RB1CC1: variants seen among roughly 807,000 people sequenced by gnomAD.
The protein encoded by RB1CC1 is RB1 inducible coiled-coil 1.
RB1CC1 carries 46 observed loss-of-function variants against 177.5 expected under a neutral mutation model. That is an observed-to-expected ratio of 0.26 (90% CI 0.20 to 0.33). The LOEUF is 0.33. Among genes scored for constraint, RB1CC1 ranks in the 10% least tolerant of loss-of-function variants. The pLI, the probability that RB1CC1 is intolerant of heterozygous loss-of-function variation, is 1.00. For missense variants in RB1CC1, 1,703 were observed against 1,816.3 expected (o/e 0.94, Z 1.13); for synonymous variants, 666 against 613.6 (o/e 1.09, Z -1.26).
In RB1CC1 at chr8:52,661,272, G is replaced by A. The variant is rs1407217116; in HGVS notation, c.1368C>T (p.Cys456=). The change falls in exon 10 of 24, where the codon TGC becomes TGT. Residue 456 remains cysteine, a synonymous_variant. Coordinates refer to ENST00000025008, the MANE Select transcript of RB1CC1 (RefSeq NM_014781.5). ...NNLHVRLKWC[C]FVMLHADQDG... Reference sequence around the variant, plus strand: ...CTTGATCAGCATGAAGCATTACAAAGCAACACCACCTAGAGAATAAAATCC... The same window carrying A: ...CTTGATCAGCATGAAGCATTACAAAACAACACCACCTAGAGAATAAAATCC... The A allele has an allele frequency of 1.9e-6, 3 of 1,611,922 alleles. No homozygotes were observed. Among genetic ancestry groups the A allele is most frequent in the African/African-American group, 2.7e-5 (2 of 74,732 alleles).
At chr8:52,713,230 A>C (rs1439520219) in intron 1 of RB1CC1, among the ~76,000 whole-genome samples, 1 of 151,998 alleles carries the variant, frequency 6.6e-6, no homozygotes, top group Non-Finnish European at 1.5e-5. Flanking sequence ...AACAGTGAGC[A>C]CATGAGTCTT....
chr8:52,673,902 T>C lies in RB1CC1; in HGVS notation c.945A>G (p.Gln315=). Residue 315 remains glutamine, a synonymous_variant, in exon 7 of 24, where the codon CAA becomes CAG. Transcript: ENST00000025008. ...AAGATTCCACATCATTAGGTCTATC[T>C]TGAACATTTATCCAGTCTAACAAAG... ...NVSLLDWINV[Q]DRPNDVESLV... 8 of 1,614,150 alleles carry C rather than the reference T, an allele frequency of 5.0e-6. No homozygotes were observed. Among genetic ancestry groups the C allele is most frequent in the Non-Finnish European group, 5.1e-6 (6 of 1,180,016 alleles).
Position 52,654,784 on chromosome 8 carries a change from T to C in RB1CC1, c.3821+1224A>G, listed in dbSNP as rs142805012. ...CAAATTATCGTCCCCACCCTTGGTA[T>C]TTTATTGCCCTGGCCTGCCTTCAGT... On this transcript the variant is annotated intron_variant, in intron 15 of 23. Transcript: ENST00000025008. 5.6e-3 allele frequency among the ~76,000 whole-genome samples: 856 copies of C among 152,284 alleles called. 11 individuals are homozygous for C. Among genetic ancestry groups the C allele is most frequent in the Non-Finnish European group, 7.9e-3 (540 of 68,032 alleles).
chr8:52,684,752 G>A (rs973139123), intron 3 of RB1CC1, among the ~76,000 whole-genome samples: 3 of 152,078 alleles, frequency 2.0e-5, no homozygotes, highest in Non-Finnish European at 2.9e-5. Flanking sequence ...TGAAGCTTCC[G>A]ATAATTCCCT....
At chr8:52,625,162 AGC>A (rs1848293685) in intron 22 of RB1CC1, among the ~76,000 whole-genome samples, 1 of 152,162 alleles carries the variant, frequency 6.6e-6, no homozygotes, top group African/African-American at 2.4e-5. Flanking sequence ...CATTTCTTTA[AGC>A]AAACAAAATG....
At chr8:52,676,839 C>T (rs1853175837) in intron 5 of RB1CC1, among the ~76,000 whole-genome samples, 1 of 152,144 alleles carries the variant, frequency 6.6e-6, no homozygotes, top group Non-Finnish European at 1.5e-5. Context: ...GTAGGGCTTT[C>T]AATTATTTGA....
Position 52,677,452 on chromosome 8 carries a change from C to A in RB1CC1, c.370-881G>T, listed in dbSNP as rs536258649. Among the ~76,000 whole-genome samples the A allele has an allele frequency of 3.3e-5, 5 of 151,984 alleles. No homozygotes were observed. The South Asian group carries it at 1.0e-3, about 32-fold the overall frequency. ...AGAAAGAGGGCCAGATGATCAAAGA[C>A]CCAGAAGATACTAAGGTAAGGAAGG... On this transcript the variant is annotated intron_variant, in intron 5 of 23. Transcript: ENST00000025008.
chr8:52,663,692 T>C (rs1185618839), intron 8 of RB1CC1, among the ~76,000 whole-genome samples: 1 of 152,104 alleles, frequency 6.6e-6, no homozygotes, highest in African/African-American at 2.4e-5. Flanking sequence ...AACAGGGAAA[T>C]ACCATTAGCA....
At chr8:52,688,272 C>T (rs1364665130) in intron 1 of RB1CC1, among the ~76,000 whole-genome samples, 1 of 152,206 alleles carries the variant, frequency 6.6e-6, no homozygotes, top group African/African-American at 2.4e-5. Context: ...CCATATTTTT[C>T]TTCTTGTAGA....
chr8:52,632,604 GA>G (rs1229312547), intron 20 of RB1CC1, among the ~76,000 whole-genome samples: 2 of 152,180 alleles, frequency 1.3e-5, no homozygotes, highest in African/African-American at 4.8e-5. Context: ...AATTCTATGT[GA>G]AAGTGTGATT....
chr8:52,635,135 T>C (rs371226745), intron 19 of RB1CC1, among the ~76,000 whole-genome samples, 167 bp from the exon 20 acceptor site: 12 of 152,194 alleles, frequency 7.9e-5, no homozygotes, highest in African/African-American at 2.7e-4. Flanking sequence ...CATTATCTAC[T>C]AGCTTAAATG....
At chr8:52,641,403 A>T (rs953458320) in intron 18 of RB1CC1, among the ~76,000 whole-genome samples, 1 of 148,160 alleles carries the variant, frequency 6.7e-6, no homozygotes, top group Non-Finnish European at 1.5e-5. Context: ...AAAAAAAAAA[A>T]ATTAAAATAA....
intron 18 of RB1CC1, 33 bp downstream of exon 18, chr8:52,642,318 G>A: frequency 2.5e-6 from 4 of 1,588,068 alleles, no homozygotes; most frequent in Non-Finnish European, 3.4e-6. Flanking sequence ...AATTGCAACA[G>A]CCTTAAAAAC....
In RB1CC1 at chr8:52,667,250, A is replaced by G. The variant is rs141884250; in HGVS notation, c.1173+771T>C. On this transcript the variant is annotated intron_variant, in intron 8 of 23. Transcript: ENST00000025008. Reference sequence around the variant, plus strand: ...GAAATACTAAAGGACATTCTAATTTATATCAGCCTTAACTATAACATCAAC... The same window carrying G: ...GAAATACTAAAGGACATTCTAATTTGTATCAGCCTTAACTATAACATCAAC... Among the ~76,000 whole-genome samples the G allele has an allele frequency of 2.8e-4, 43 of 152,376 alleles. 1 individual carries two copies. The East Asian group carries it at 7.7e-3, about 27-fold the overall frequency.
chr8:52,648,807 T>C (rs1217704626), intron 15 of RB1CC1, among the ~76,000 whole-genome samples: 1 of 152,218 alleles, frequency 6.6e-6, no homozygotes, highest in Non-Finnish European at 1.5e-5. Flanking sequence ...TTTTTTTTCT[T>C]ACTAAATCAA....
In RB1CC1 at chr8:52,685,297, C is replaced by G. The variant is rs947628402; in HGVS notation, c.71+102G>C. 2.4e-5 allele frequency: 21 copies of G among 868,884 alleles called. No individual in the cohort carries two copies. The African/African-American group carries it at 3.5e-4, about 14-fold the overall frequency. 53.8% of individuals were successfully genotyped at this position (868,884 alleles called of 1,614,324 possible). On this transcript the variant is annotated intron_variant, in intron 3 of 23. Coordinates refer to ENST00000025008, the MANE Select transcript of RB1CC1 (RefSeq NM_014781.5). ...GGGATTACAGGCGTGAGGTACCGCA[C>G]CCGGCCGCCATTATCCTACTTTTTA...
chr8:52,692,627 G>C (rs1591106020), intron 1 of RB1CC1, among the ~76,000 whole-genome samples: 1 of 151,890 alleles, frequency 6.6e-6, no homozygotes, highest in Non-Finnish European at 1.5e-5. Context: ...GGATCACGGG[G>C]GAAAAAAGAA....
chr8:52,661,747 C>T, intron 8 of RB1CC1, 28 bp from the exon 9 acceptor site: 1 of 1,488,604 alleles, frequency 6.7e-7, no homozygotes, highest in Non-Finnish European at 9.0e-7. Context: ...TTTCAAAGGA[C>T]ATTAATTTTG....
chr8:52,667,351 C>A lies in RB1CC1; in HGVS notation c.1173+670G>T, dbSNP rs1174161186. Among the ~76,000 whole-genome samples the A allele has an allele frequency of 2.0e-5, 3 of 151,856 alleles. No homozygotes were observed. The East Asian group carries it at 5.8e-4, about 29-fold the overall frequency. ...TTATTTATATGTTCCAATGAAAGAA[C>A]ACAATTAGAGGAAAAATATTGGCAA... On this transcript the variant is annotated intron_variant, in intron 8 of 23. Transcript: ENST00000025008.
Sources: gnomAD v4.1 joint callset for allele counts (sites outside exome capture counted in the v4.1 genomes callset) on GRCh38, gnomAD v4.1.1 for gene constraint, MANE v1.5 for transcripts, NCBI Gene and HGNC (gene_info 2026-07-23, HGNC 2026-07-21) for gene names.